The following PDE4D variants were observed in gnomAD, a reference collection of about 807,000 sequenced individuals.
PDE4D encodes phosphodiesterase 4D.
In PDE4D, 24 loss-of-function variants were observed where a neutral mutation model predicts 87.4. The observed-to-expected ratio is 0.27, with a 90% CI of 0.20 to 0.39. PDE4D has a LOEUF of 0.39. Among genes scored for constraint, PDE4D ranks in the 10% least tolerant of loss-of-function variants. PDE4D has a pLI of 1.00. For missense variants in PDE4D, 714 were observed against 1,041.0 expected (o/e 0.69, Z 4.32); for synonymous variants, 384 against 383.2 (o/e 1.00, Z -0.02).
chr5:60,058,583 G>A (rs1379722929), intron 2 of PDE4D, among the ~76,000 whole-genome samples: 1 of 151,892 alleles, frequency 6.6e-6, no homozygotes, highest in Non-Finnish European at 1.5e-5. Flanking sequence ...CTGGGGAAGA[G>A]AAGATGAAAT....
intron 1 of PDE4D, among the ~76,000 whole-genome samples, chr5:60,389,347 G>A (rs956248153): frequency 6.6e-6 from 1 of 152,162 alleles, no homozygotes; most frequent in Non-Finnish European, 1.5e-5. Context: ...TGCATTTTTC[G>A]AAGGAGAGAA....
intron 5 of PDE4D, among the ~76,000 whole-genome samples, chr5:59,058,358 C>T (rs555527675): frequency 6.6e-6 from 1 of 152,190 alleles, no homozygotes; most frequent in East Asian, 1.9e-4. Context: ...TCCATGCCCA[C>T]CCACCCACAG....
chr5:59,269,719 A>T (rs1763468205), intron 1 of PDE4D, among the ~76,000 whole-genome samples: 1 of 152,014 alleles, frequency 6.6e-6, no homozygotes, highest in African/African-American at 2.4e-5. Flanking sequence ...TTATTGTTTT[A>T]TGTGTGCTTA....
intron 1 of PDE4D, among the ~76,000 whole-genome samples, chr5:59,535,076 T>A (rs78464331): frequency 9.3e-6 from 1 of 107,540 alleles, no homozygotes; most frequent in Non-Finnish European, 2.0e-5. Flanking sequence ...TGTGTGTGTG[T>A]GGGGGGGGGG....
At chr5:59,925,629 G>A (rs533812024) in intron 3 of PDE4D, among the ~76,000 whole-genome samples, 46 of 152,148 alleles carry the variant, frequency 3.0e-4, no homozygotes, top group Admixed American at 8.5e-4. Context: ...AATGCACTTC[G>A]CTGATAAAGA....
chr5:60,209,633 C>A (rs1742958241), intron 1 of PDE4D, among the ~76,000 whole-genome samples: 1 of 151,898 alleles, frequency 6.6e-6, no homozygotes. Flanking sequence ...TAGTATTCAT[C>A]TTCTGAGATA....
intron 2 of PDE4D, among the ~76,000 whole-genome samples, chr5:59,214,770 T>C (rs751221671): frequency 2.6e-5 from 4 of 152,188 alleles, no homozygotes; most frequent in Non-Finnish European, 4.4e-5. Flanking sequence ...ACTGCTAAAA[T>C]AGCAACCATA....
chr5:60,390,066 T>C (rs1762460205), intron 1 of PDE4D, among the ~76,000 whole-genome samples: 1 of 152,214 alleles, frequency 6.6e-6, no homozygotes, highest in African/African-American at 2.4e-5. Flanking sequence ...CCGGGGCAAG[T>C]GTGTGGCTGT....
At chr5:59,392,166 G>C (rs1399036930) in intron 1 of PDE4D, among the ~76,000 whole-genome samples, 4 of 151,624 alleles carry the variant, frequency 2.6e-5, no homozygotes. Context: ...ATTGATCCTG[G>C]GTGTGTCTGT....
intron 2 of PDE4D, among the ~76,000 whole-genome samples, chr5:59,202,108 C>T (rs533071852): frequency 4.7e-5 from 6 of 128,950 alleles, no homozygotes; most frequent in South Asian, 5.2e-4. Context: ...GCTGCAATCT[C>T]GGCTCACTGC....
intron 1 of PDE4D, among the ~76,000 whole-genome samples, chr5:60,458,726 T>C (rs973557109): frequency 4.7e-5 from 7 of 149,214 alleles, no homozygotes; most frequent in Non-Finnish European, 1.5e-5. Flanking sequence ...GAGCAGCACA[T>C]CAAGATAATG....
intron 1 of PDE4D, among the ~76,000 whole-genome samples, chr5:59,863,921 C>T (rs10214307): frequency 0.093 from 14,121 of 152,096 alleles, 2,024 homozygotes; most frequent in African/African-American, 0.31. Flanking sequence ...ATGAAAGGGA[C>T]GATGCAGCTT....
intron 5 of PDE4D, chr5:59,039,562 C>G: frequency 1.0e-5 from 10 of 973,778 alleles, no homozygotes; most frequent in Non-Finnish European, 1.2e-5. Flanking sequence ...CAGCGCGGCT[C>G]CAACGCCGCA....
chr5:59,409,881 A>G (rs979570624), intron 1 of PDE4D, among the ~76,000 whole-genome samples: 2 of 152,030 alleles, frequency 1.3e-5, no homozygotes, highest in Admixed American at 1.3e-4. Flanking sequence ...CTGGGTGGTA[A>G]TTCCATTTTT....
intron 1 of PDE4D, among the ~76,000 whole-genome samples, chr5:59,701,833 C>G (rs950986416): frequency 6.6e-6 from 1 of 152,152 alleles, no homozygotes; most frequent in Non-Finnish European, 1.5e-5. Context: ...TGAAAAACAG[C>G]TCAATTCCTC....
At chr5:59,015,165 A>G (rs1753720353) in intron 6 of PDE4D, among the ~76,000 whole-genome samples, 1 of 152,348 alleles carries the variant, frequency 6.6e-6, no homozygotes, top group African/African-American at 2.4e-5. Flanking sequence ...AAAACCATAA[A>G]AACCCTAGAA....
At chr5:60,516,156 T>C (rs1360011031) in intron 1 of PDE4D, among the ~76,000 whole-genome samples, 1 of 152,234 alleles carries the variant, frequency 6.6e-6, no homozygotes, top group African/African-American at 2.4e-5. Context: ...TGGTGAAAGA[T>C]TCATAATCAA....
At chr5:59,541,918 T>C (rs1366295351) in intron 1 of PDE4D, among the ~76,000 whole-genome samples, 3 of 152,102 alleles carry the variant, frequency 2.0e-5, no homozygotes, top group African/African-American at 4.8e-5. Flanking sequence ...GATCTACTCT[T>C]CTTCTCAGGC....
chr5:59,090,050 T>G (rs1010584349), intron 5 of PDE4D, among the ~76,000 whole-genome samples: 1 of 152,100 alleles, frequency 6.6e-6, no homozygotes, highest in Non-Finnish European at 1.5e-5. Context: ...ATTTAGGGAC[T>G]AATAGAAATG....
Sources: gnomAD v4.1 joint callset for allele counts (sites outside exome capture counted in the v4.1 genomes callset) on GRCh38, gnomAD v4.1.1 for gene constraint, MANE v1.5 for transcripts, NCBI Gene and HGNC (gene_info 2026-07-23, HGNC 2026-07-21) for gene names.